CFAP47: variants seen among roughly 807,000 people sequenced by gnomAD.
CFAP47 encodes cilia- and flagella-associated protein 47.
CFAP47 carries 29 observed loss-of-function variants against 148.1 expected under a neutral mutation model. That is an observed-to-expected ratio of 0.20 (90% CI 0.15 to 0.27). The LOEUF (loss-of-function observed/expected upper bound fraction) is 0.27. Among genes scored for constraint, CFAP47 ranks in the 10% least tolerant of loss-of-function variants. CFAP47 has a pLI of 1.00. For synonymous variants in CFAP47, 664 were observed against 577.3 expected (o/e 1.15, Z -2.15); for missense variants, 1,872 against 1,697.5 (o/e 1.10, Z -1.81).
At chrX:36,060,215 C>CAT (rs746159986) in intron 26 of CFAP47, among the ~76,000 whole-genome samples, 45 of 111,172 alleles carry the variant, frequency 4.0e-4, no homozygotes, top group Middle Eastern at 4.6e-3. Flanking sequence ...TGTGTGTGAA[C>CAT]ATATATATAT....
At chrX:36,049,488 TCA>T (rs397895931) in intron 26 of CFAP47, among the ~76,000 whole-genome samples, 1,560 of 92,182 alleles carry the variant, frequency 0.017, 12 homozygotes, top group East Asian at 0.039. Flanking sequence ...TTTCTCTCTC[TCA>T]CACACACACA....
intron 26 of CFAP47, among the ~76,000 whole-genome samples, chrX:36,048,681 C>T (rs987366958): frequency 1.8e-5 from 2 of 111,781 alleles, no homozygotes; most frequent in Non-Finnish European, 3.8e-5. Flanking sequence ...TACCCAAATT[C>T]CCCAAAAAGT....
At chrX:36,011,208 C>T (rs1937035315) in intron 21 of CFAP47, among the ~76,000 whole-genome samples, 2 of 112,016 alleles carry the variant, frequency 1.8e-5, no homozygotes, top group South Asian at 7.3e-4. Flanking sequence ...AATAATCAGA[C>T]ACATAAACAA....
intron 39 of CFAP47, 80 bp downstream of exon 39, chrX:36,160,849 T>TA: frequency 1.2e-5 from 3 of 242,066 alleles, no homozygotes; most frequent in Non-Finnish European, 1.4e-5. Context: ...TTTCTTTCTT[T>TA]CTTTTTTTTT....
At chrX:36,260,133 A>G (rs1016826660) in intron 49 of CFAP47, among the ~76,000 whole-genome samples, 2 of 110,838 alleles carry the variant, frequency 1.8e-5, no homozygotes, top group Non-Finnish European at 3.8e-5. Context: ...TACACTCTTG[A>G]TGGTCATCTT....
intron 49 of CFAP47, among the ~76,000 whole-genome samples, chrX:36,272,757 T>C (rs1940973681): frequency 8.9e-6 from 1 of 111,786 alleles, no homozygotes; most frequent in African/African-American, 3.2e-5. Context: ...GAACTTGATA[T>C]AGCTTATGTT....
At chrX:35,985,548 T>A in intron 15 of CFAP47, among the ~76,000 whole-genome samples, 1 of 110,831 alleles carries the variant, frequency 9.0e-6, no homozygotes. Flanking sequence ...TCTGCTATAG[T>A]TCCTTGATGG....
chrX:36,188,796 G>C (rs782309424), intron 41 of CFAP47, 106 bp downstream of exon 41: 17 of 282,997 alleles, frequency 6.0e-5, no homozygotes, highest in African/African-American at 1.1e-4. Context: ...AGAATAGACA[G>C]AGTAGTAAGC....
At chrX:36,310,748 TTTATATGCA>T in intron 55 of CFAP47, 76 bp from the exon 56 acceptor site, 4 of 543,231 alleles carry the variant, frequency 7.4e-6, no homozygotes, top group East Asian at 9.2e-5. Context: ...TGTCCAAATT[TTTATATGCA>T]TTATACTTAT....
At chrX:36,121,814 A>G (rs1056182533) in intron 33 of CFAP47, among the ~76,000 whole-genome samples, 5 of 111,642 alleles carry the variant, frequency 4.5e-5, no homozygotes, top group African/African-American at 1.6e-4. Context: ...TGGAGTTTAC[A>G]CACCACTTAC....
chrX:36,328,790 C>G (rs1267550031), intron 57 of CFAP47, among the ~76,000 whole-genome samples: 1 of 90,988 alleles, frequency 1.1e-5, no homozygotes, highest in Non-Finnish European at 2.1e-5. Flanking sequence ...GCAGTCCGGC[C>G]TGGGTGACAG....
At chrX:36,287,893 C>A (rs1941150842) in intron 51 of CFAP47, among the ~76,000 whole-genome samples, 1 of 111,882 alleles carries the variant, frequency 8.9e-6, no homozygotes, top group African/African-American at 3.2e-5. Context: ...GAAGAAGATG[C>A]TTTCCAACTA....
At chrX:36,330,660 C>T (rs1941556897) in intron 57 of CFAP47, among the ~76,000 whole-genome samples, 2 of 111,922 alleles carry the variant, frequency 1.8e-5, no homozygotes, top group Middle Eastern at 4.2e-3. Context: ...GGAACAGTAA[C>T]CCAGTCTACT....
At chrX:36,294,158 A>G (rs1556006015) in intron 51 of CFAP47, among the ~76,000 whole-genome samples, 2 of 111,322 alleles carry the variant, frequency 1.8e-5, no homozygotes, top group African/African-American at 3.3e-5. Context: ...GGTAGCACCA[A>G]TTAAGTAAGT....
At chrX:36,054,743 A>G (rs1004293447) in intron 26 of CFAP47, among the ~76,000 whole-genome samples, 1 of 111,277 alleles carries the variant, frequency 9.0e-6, no homozygotes, top group Non-Finnish European at 1.9e-5. Flanking sequence ...ATTATAAAGA[A>G]TCTTAGAGAA....
intron 35 of CFAP47, among the ~76,000 whole-genome samples, chrX:36,139,942 G>A (rs962000660): frequency 9.0e-6 from 1 of 110,750 alleles, no homozygotes; most frequent in Admixed American, 9.7e-5. Context: ...AAGGGAAACT[G>A]CAATCAATAA....
chrX:36,347,364 A>G (rs1941706885), intron 57 of CFAP47, among the ~76,000 whole-genome samples: 1 of 112,106 alleles, frequency 8.9e-6, no homozygotes, highest in Admixed American at 9.5e-5. Context: ...TTTGTGGACG[A>G]CAGTGTGAAG....
chrX:36,041,106 G>A (rs1423803971), intron 25 of CFAP47, among the ~76,000 whole-genome samples: 2 of 111,099 alleles, frequency 1.8e-5, no homozygotes, highest in African/African-American at 3.3e-5. Flanking sequence ...ACTAACTTAT[G>A]GGGTGTAGAA....
At chrX:36,007,417 C>A (rs2146698163) in intron 21 of CFAP47, among the ~76,000 whole-genome samples, 1 of 112,281 alleles carries the variant, frequency 8.9e-6, no homozygotes, top group African/African-American at 3.2e-5. Context: ...TTAGAATATC[C>A]TTTTCAATTT....
Sources: allele counts gnomAD v4.1 joint callset (sites outside exome capture counted in the v4.1 genomes callset), GRCh38; gene constraint gnomAD v4.1.1; transcripts MANE v1.5; gene names NCBI Gene and HGNC (gene_info 2026-07-23, HGNC 2026-07-21).